Variants in PSMA6 observed in about 807,000 individuals in gnomAD.
PSMA6 encodes proteasome 20S subunit alpha 6.
For missense variants in PSMA6, 170 were observed against 294.8 expected, an observed-to-expected ratio of 0.58 and a Z score of 3.10; for synonymous variants, 88 against 97.7, an observed-to-expected ratio of 0.90 and a Z score of 0.59.
chr14:35,307,048 T>G (rs1474992693), intron 1 of PSMA6, among the ~76,000 whole-genome samples: 1 of 152,034 alleles, frequency 6.6e-6, no homozygotes, highest in Non-Finnish European at 1.5e-5. Context: ...CTCAGGAGGC[T>G]GAGGCAGGAG....
chr14:35,314,543 T>C (rs2052003732), intron 6 of PSMA6, 88 bp downstream of exon 6: 1 of 1,371,518 alleles, frequency 7.3e-7, no homozygotes, highest in African/African-American at 1.5e-5. Context: ...AAATCTTTTT[T>C]CTTTAACTGT....
At chr14:35,280,650 G>T (rs192421063) in intron 1 of PSMA6, among the ~76,000 whole-genome samples, 8 of 152,188 alleles carry the variant, frequency 5.3e-5, no homozygotes, top group Admixed American at 5.2e-4. Flanking sequence ...CCAAAGTGCT[G>T]GGATTACAGG....
rs187456897 is a variant in PSMA6, at chr14:35,296,359, C to T, written c.76+3807C>T. ...TTTGTTTGTTTGTTTTTGAGACAGT[C>T]TCACTTGGTCGCCCAGGCTAGAGTG... On this transcript the variant is annotated intron_variant, in intron 1 of 6. Transcript: ENST00000261479. Among the ~76,000 whole-genome samples, 20 of 152,242 alleles carry T rather than the reference C, an allele frequency of 1.3e-4. No individual in the cohort carries two copies. In the East Asian group the frequency reaches 3.7e-3, roughly 28 times the overall value.
At chr14:35,292,731 A>G (rs112051824) in intron 1 of PSMA6, 179 bp downstream of exon 1, 3 of 1,209,708 alleles carry the variant, frequency 2.5e-6, no homozygotes, top group Admixed American at 2.9e-5. Flanking sequence ...GGACGCAGGG[A>G]TCGGGGGCCT....
chr14:35,281,959 C>G (rs2051370649), intron 1 of PSMA6, among the ~76,000 whole-genome samples: 1 of 152,084 alleles, frequency 6.6e-6, no homozygotes, highest in Admixed American at 6.6e-5. Context: ...CTCAGTTAAT[C>G]CCTTTCCTCC....
intron 1 of PSMA6, among the ~76,000 whole-genome samples, chr14:35,294,070 G>A (rs576230398): frequency 3.3e-5 from 5 of 152,198 alleles, no homozygotes; most frequent in Non-Finnish European, 7.4e-5. Context: ...TTGAGACAGA[G>A]CTTCACTCTT....
chr14:35,310,918 C>G, intron 4 of PSMA6, 23 bp downstream of exon 4: 2 of 1,596,176 alleles, frequency 1.3e-6, no homozygotes, highest in Non-Finnish European at 1.7e-6. Flanking sequence ...AGAGGTCTCC[C>G]AAATAATTGA....
At chr14:35,290,867 T>G (rs17458367), upstream of PSMA6, among the ~76,000 whole-genome samples, 8,778 of 152,354 alleles carry the variant, frequency 0.058, 330 homozygotes, top group Middle Eastern at 0.11. Flanking sequence ...CTCGCCAGCT[T>G]GGAATTACTC....
At chr14:35,307,364 A>G (rs2051848136) in intron 1 of PSMA6, among the ~76,000 whole-genome samples, 1 of 152,246 alleles carries the variant, frequency 6.6e-6, no homozygotes, top group African/African-American at 2.4e-5. Flanking sequence ...CCAGACTTAG[A>G]AATAATGGCC....
chr14:35,279,057 G>A (rs1405989480), intron 1 of PSMA6, among the ~76,000 whole-genome samples: 1 of 151,756 alleles, frequency 6.6e-6, no homozygotes, highest in Non-Finnish European at 1.5e-5. Context: ...TTTTTTGTGT[G>A]TGTGTTTGAG....
chr14:35,310,625 T>C (rs1460581462), intron 3 of PSMA6, 115 bp from the exon 4 acceptor site: 2 of 1,006,016 alleles, frequency 2.0e-6, no homozygotes, highest in Non-Finnish European at 3.0e-6. Flanking sequence ...AGCGGACCCT[T>C]TCTCTTTAAC....
At position 35,292,435 on chromosome 14, in the gene PSMA6, A is replaced by G. The variant is rs1594376779; in HGVS notation, c.-42A>G. 1.9e-6 allele frequency: 3 copies of G among 1,593,094 alleles called. No homozygotes were observed. The highest frequency in any genetic ancestry group is 2.6e-6 in the Non-Finnish European group (3 of 1,169,888). ...TGCTTGTGTGCCTGGTGCGGGAGCT[A>G]CGGGGCCCAGGGATTGTGTTTAAAG... On this transcript the variant is annotated 5_prime_UTR_variant, in exon 1 of 7. Transcript: ENST00000261479.
chr14:35,308,829 C>A, intron 2 of PSMA6, 85 bp from the exon 3 acceptor site: 1 of 937,544 alleles, frequency 1.1e-6, no homozygotes, highest in South Asian at 1.5e-5. Flanking sequence ...AGAAGCAGGG[C>A]AAATTAAAAA....
upstream of PSMA6, chr14:35,292,270 G>T: frequency 7.3e-7 from 1 of 1,374,492 alleles, no homozygotes; most frequent in Non-Finnish European, 9.4e-7. Flanking sequence ...AAGGCCTCCC[G>T]CCCTCACTCC....
chr14:35,299,065 C>T (rs1180288326), intron 1 of PSMA6, among the ~76,000 whole-genome samples: 6 of 150,140 alleles, frequency 4.0e-5, no homozygotes, highest in African/African-American at 4.9e-5. Context: ...CTCACTCTGT[C>T]GCCCAGGCTG....
chr14:35,317,064 A>G, intron 6 of PSMA6, 185 bp from the exon 7 acceptor site: 1 of 506,742 alleles, frequency 2.0e-6, no homozygotes, highest in Non-Finnish European at 3.5e-6. Flanking sequence ...ATATCTGGGA[A>G]TTCCTTCAAA....
At chr14:35,282,807 A>G (rs1278279198) in intron 1 of PSMA6, among the ~76,000 whole-genome samples, 1 of 151,822 alleles carries the variant, frequency 6.6e-6, no homozygotes, top group Non-Finnish European at 1.5e-5. Context: ...GTGAGCCAAG[A>G]TCGAGCCACT....
intron 1 of PSMA6, among the ~76,000 whole-genome samples, chr14:35,297,129 T>G (rs1161023039): frequency 2.7e-5 from 4 of 148,976 alleles, no homozygotes; most frequent in African/African-American, 7.4e-5. Context: ...GTTTTTTTTT[T>G]TTTTTTTTTT....
upstream of PSMA6, chr14:35,292,191 A>T: frequency 1.4e-6 from 1 of 697,128 alleles, no homozygotes; most frequent in Non-Finnish European, 2.0e-6. Context: ...TGAAAGCCTG[A>T]AAGCGCCACG....
Sources: gnomAD v4.1 joint callset for allele counts (sites outside exome capture counted in the v4.1 genomes callset) on GRCh38, gnomAD v4.1.1 for gene constraint, MANE v1.5 for transcripts, NCBI Gene and HGNC (gene_info 2026-07-23, HGNC 2026-07-21) for gene names.